TRAK1: variants seen among roughly 807,000 people sequenced by gnomAD.
TRAK1 encodes the protein trafficking kinesin protein 1.
Under a neutral mutation model 92.1 loss-of-function variants are expected in TRAK1, and 33 were observed. That is an observed-to-expected ratio of 0.36 (90% CI 0.27 to 0.48). The LOEUF is 0.48. Among genes scored for constraint, TRAK1 ranks in the 20% least tolerant of loss-of-function variants. The pLI, the probability that TRAK1 is intolerant of heterozygous loss-of-function variation, is 0.99. For missense variants in TRAK1, 1,123 were observed against 1,257.9 expected, an observed-to-expected ratio of 0.89 and a Z score of 1.62; for synonymous variants, 521 against 517.3, an observed-to-expected ratio of 1.01 and a Z score of -0.10.
intron 1 of TRAK1, among the ~76,000 whole-genome samples, chr3:42,033,868 G>GGCTT (rs1702234321): frequency 6.6e-6 from 1 of 152,084 alleles, no homozygotes; most frequent in South Asian, 2.1e-4. Context: ...AAGACTGGGA[G>GGCTT]ATTTGGCTCA....
chr3:42,036,025 A>G (rs1702313318), intron 1 of TRAK1, among the ~76,000 whole-genome samples: 1 of 152,166 alleles, frequency 6.6e-6, no homozygotes, highest in African/African-American at 2.4e-5. Flanking sequence ...ACCCCAAGTG[A>G]CCCATCTGTG....
chr3:42,202,062 C>G lies in TRAK1; in HGVS notation c.1428-374C>G, dbSNP rs1707706704. Among the ~76,000 whole-genome samples the G allele has an allele frequency of 1.3e-5, 2 of 152,152 alleles. No individual in the cohort carries two copies. The highest frequency in any genetic ancestry group is 4.8e-5 in the African/African-American group (2 of 41,430). ...TCAGAGTTGGGGTCTGGGCTCTTTT[C>G]CTTCAAGAGAAGAGAGAAACATGCC... On this transcript the variant is annotated intron_variant, in intron 12 of 15. Transcript: ENST00000327628. The surrounding 1 kb of genome is among the most constrained non-coding windows in gnomAD (Gnocchi z 6.1).
At chr3:42,088,981 C>T (rs1007160014), upstream of TRAK1, among the ~76,000 whole-genome samples, 4 of 152,152 alleles carry the variant, frequency 2.6e-5, no homozygotes, top group African/African-American at 7.2e-5. Flanking sequence ...CTGTACTCAG[C>T]CTGGCCCTTC....
At chr3:42,204,252 C>G in intron 13 of TRAK1, 4 of 985,314 alleles carry the variant, frequency 4.1e-6, no homozygotes, top group Non-Finnish European at 4.8e-6. Context: ...TTTATCATCT[C>G]TGTCTTGTCT....
At chr3:42,061,649 G>GC (rs1282448919) in intron 1 of TRAK1, among the ~76,000 whole-genome samples, 2 of 152,108 alleles carry the variant, frequency 1.3e-5, no homozygotes, top group Non-Finnish European at 1.5e-5. Flanking sequence ...TCCATTCCGT[G>GC]CAAGTACAAA....
chr3:42,142,407 T>C (rs1399065948), intron 2 of TRAK1, among the ~76,000 whole-genome samples: 1 of 152,200 alleles, frequency 6.6e-6, no homozygotes, highest in East Asian at 1.9e-4. Flanking sequence ...TGAGCTTTTA[T>C]TTTCTAGGAA....
chr3:42,171,623 T>C (rs559532587), intron 2 of TRAK1, among the ~76,000 whole-genome samples: 22 of 152,104 alleles, frequency 1.4e-4, no homozygotes, highest in African/African-American at 5.3e-4. Context: ...CCTTCCCACT[T>C]CTCCCGGCTC....
At chr3:42,203,828 C>T (rs1283777352) in intron 13 of TRAK1, 2 of 833,334 alleles carry the variant, frequency 2.4e-6, no homozygotes, top group East Asian at 1.2e-4. Context: ...TATACATAAA[C>T]AATACATAAG....
rs185267624 is a variant in TRAK1 at position 42,030,261 on chromosome 3, G to A, written c.-519+16144G>A. Among the ~76,000 whole-genome samples, 311 of 151,866 alleles carry A rather than the reference G, an allele frequency of 2.0e-3. 2 individuals carry two copies. The highest frequency in any genetic ancestry group is 0.019 in the South Asian group (90 of 4,794). ...CCAGCATGGGCAACATTGGGAGGCTGAGGTGGGAGGATCCCTTTTGAGCTC... is the reference window on the plus strand; with the variant it reads ...CCAGCATGGGCAACATTGGGAGGCTAAGGTGGGAGGATCCCTTTTGAGCTC... On this transcript the variant is annotated intron_variant, in intron 1 of 16. Transcript: ENST00000487159.
At chr3:42,032,441 C>A (rs1205324867) in intron 1 of TRAK1, among the ~76,000 whole-genome samples, 1 of 149,802 alleles carries the variant, frequency 6.7e-6, no homozygotes, top group African/African-American at 2.5e-5. Flanking sequence ...GTGGGAAGCC[C>A]CAAGATTTTG....
Position 42,112,437 on chromosome 3 carries a change from A to AC in TRAK1, c.92-12983_92-12982insC, listed in dbSNP as rs534948295. ...AGCGAGACTCCATCTCAAAAAAAAAAGGAAACAATTAAAAAGGTCAGGAGC... is the reference window on the plus strand; with the variant it reads ...AGCGAGACTCCATCTCAAAAAAAAAACGGAAACAATTAAAAAGGTCAGGAGC... On this transcript the variant is annotated intron_variant, in intron 1 of 15. Transcript: ENST00000327628. 4.4e-3 allele frequency among the ~76,000 whole-genome samples: 657 copies of AC among 148,906 alleles called. 4 individuals carry two copies. Among genetic ancestry groups the AC allele is most frequent in the African/African-American group, 0.015 (601 of 40,516 alleles).
At chr3:42,032,238 T>C (rs899429508) in intron 1 of TRAK1, among the ~76,000 whole-genome samples, 2 of 152,220 alleles carry the variant, frequency 1.3e-5, no homozygotes, top group African/African-American at 4.8e-5. Flanking sequence ...TGGTGGAGTA[T>C]GGTAAGAATA....
chr3:42,184,974 A>G (rs1433155441), intron 4 of TRAK1, 173 bp downstream of exon 4: 6 of 576,990 alleles, frequency 1.0e-5, no homozygotes, highest in African/African-American at 1.9e-5. Context: ...GGGGACTAAA[A>G]GCCACCTTCC....
chr3:42,212,787 G>A (rs1709210308), intron 14 of TRAK1, among the ~76,000 whole-genome samples: 2 of 152,222 alleles, frequency 1.3e-5, no homozygotes, highest in Non-Finnish European at 2.9e-5. Flanking sequence ...AAGAGTTAAA[G>A]TCACACAGTT....
intron 1 of TRAK1, among the ~76,000 whole-genome samples, chr3:42,028,357 G>A (rs926250354): frequency 6.6e-6 from 1 of 152,222 alleles, no homozygotes; most frequent in African/African-American, 2.4e-5. Flanking sequence ...TGGGGAGCTG[G>A]AGACCCACTT....
At chr3:42,052,213 T>C (rs776871831) in intron 1 of TRAK1, among the ~76,000 whole-genome samples, 4 of 152,244 alleles carry the variant, frequency 2.6e-5, no homozygotes, top group Non-Finnish European at 5.9e-5. Context: ...GGCTTGACAT[T>C]ACTTGCTCTT....
chr3:42,184,857 G>T, intron 4 of TRAK1, 56 bp downstream of exon 4: 1 of 1,529,256 alleles, frequency 6.5e-7, no homozygotes, highest in Non-Finnish European at 9.0e-7. Flanking sequence ...CTGGGAGCTG[G>T]AGGCATGGCT....
chr3:42,161,543 C>G (rs1165823024), intron 2 of TRAK1, among the ~76,000 whole-genome samples: 4 of 151,842 alleles, frequency 2.6e-5, no homozygotes, highest in Non-Finnish European at 5.9e-5. Flanking sequence ...ACCAACTTGC[C>G]CAGCTAATTT....
At chr3:42,148,614 A>T (rs920185818) in intron 2 of TRAK1, among the ~76,000 whole-genome samples, 33 of 152,324 alleles carry the variant, frequency 2.2e-4, no homozygotes, top group African/African-American at 7.7e-4. Flanking sequence ...CGCCTTGATT[A>T]CACATGTACG....
Sources: allele counts gnomAD v4.1 joint callset (sites outside exome capture counted in the v4.1 genomes callset), GRCh38; gene constraint gnomAD v4.1.1; non-coding constraint Gnocchi (gnomAD v3.1); transcripts MANE v1.5; gene names NCBI Gene and HGNC (gene_info 2026-07-23, HGNC 2026-07-21).